Variants in TMCC1 observed in about 807,000 individuals in gnomAD.
TMCC1 encodes the protein transmembrane and coiled-coil domain family 1.
In TMCC1, 15 loss-of-function variants were observed where a neutral mutation model predicts 52.4. The observed-to-expected ratio is 0.29, with a 90% CI of 0.19 to 0.44. The LOEUF (loss-of-function observed/expected upper bound fraction) is 0.44. Among genes scored for constraint, TMCC1 ranks in the 20% least tolerant of loss-of-function variants. The probability of loss-of-function intolerance (pLI) is 1.00; values close to 1 mark genes in which losing one functional copy is unlikely to be tolerated. For missense variants in TMCC1, 503 were observed against 806.0 expected, an observed-to-expected ratio of 0.62 and a Z score of 4.55; for synonymous variants, 279 against 301.9, an observed-to-expected ratio of 0.92 and a Z score of 0.79.
Position 129,651,325 on chromosome 3 carries a change from T to C in TMCC1, c.*156A>G. ...TAAAATCTAAAAAATACTATTGCAA[T>C]TGCGTCTCTTGAAGAAAAAAACATT... is the stretch of plus-strand genomic sequence containing the variant. On this transcript the variant is annotated 3_prime_UTR_variant, in exon 7 of 7. Coordinates refer to ENST00000393238, the MANE Select transcript of TMCC1 (RefSeq NM_001017395.5). This position sits in a 1 kb window ranked among gnomAD's most constrained non-coding sequence, Gnocchi z 5.1. 2 of 853,898 alleles carry C rather than the reference T, an allele frequency of 2.3e-6. No homozygotes were observed. The highest frequency in any genetic ancestry group is 4.3e-5 in the South Asian group (2 of 46,238). 52.9% of individuals were successfully genotyped at this position (853,898 alleles called of 1,614,324 possible).
chr3:129,655,465 T>A (rs1560120241), intron 5 of TMCC1, among the ~76,000 whole-genome samples: 1 of 152,090 alleles, frequency 6.6e-6, no homozygotes, highest in African/African-American at 2.4e-5. Context: ...GCAAGCCTCA[T>A]GAAAAGATAA....
rs189436772 is a variant in TMCC1, at chr3:129,653,535, C to T, written c.1647+1433G>A. Among the ~76,000 whole-genome samples, 187 of 152,348 alleles carry T rather than the reference C, an allele frequency of 1.2e-3. 1 individual carries two copies. The highest frequency in any genetic ancestry group is 9.4e-4 in the Non-Finnish European group (64 of 68,040). ...CTCAGCTCACTGCCAGCTCCACCTC[C>T]CAGGTTCAGGCCATTCTTCTGCCTC... On this transcript the variant is annotated intron_variant, in intron 6 of 6. Transcript: ENST00000393238.
At chr3:129,805,431 G>A (rs1292615184) in intron 4 of TMCC1, among the ~76,000 whole-genome samples, 2 of 152,098 alleles carry the variant, frequency 1.3e-5, no homozygotes, top group African/African-American at 2.4e-5. Context: ...CTAAAGTGCC[G>A]GGATTACAGG....
At chr3:129,804,457 T>G (rs2057355529) in intron 4 of TMCC1, among the ~76,000 whole-genome samples, 1 of 152,210 alleles carries the variant, frequency 6.6e-6, no homozygotes, top group Non-Finnish European at 1.5e-5. Context: ...CCTGACCCCT[T>G]TGGCTATTGT....
intron 4 of TMCC1, among the ~76,000 whole-genome samples, chr3:129,812,299 T>G (rs1299185511): frequency 3.4e-5 from 4 of 118,506 alleles, no homozygotes; most frequent in African/African-American, 1.3e-4. Context: ...ATCACGCCAC[T>G]GCACTCCAGC....
intron 4 of TMCC1, among the ~76,000 whole-genome samples, chr3:129,761,036 C>T (rs2053533836): frequency 6.6e-6 from 1 of 152,024 alleles, no homozygotes; most frequent in Non-Finnish European, 1.5e-5. Context: ...CTAAAAATCC[C>T]CTGTGCTGGC....
Position 129,811,771 on chromosome 3 carries a change from C to T in TMCC1, c.576+16032G>A, listed in dbSNP as rs2057821130. Among the ~76,000 whole-genome samples the T allele has an allele frequency of 1.3e-5, 2 of 151,384 alleles. 1 individual carries two copies. The highest frequency in any genetic ancestry group is 4.2e-4 in the South Asian group (2 of 4,798). ...CCAGCCTGGCCAACATGGCGAAACC[C>T]TGTCTCTACTAAAAATACAAAACTT... On this transcript the variant is annotated intron_variant, in intron 4 of 6. Coordinates refer to ENST00000393238, the MANE Select transcript of TMCC1 (RefSeq NM_001017395.5).
chr3:129,792,777 G>C (rs1300350001), intron 4 of TMCC1, among the ~76,000 whole-genome samples: 1 of 152,026 alleles, frequency 6.6e-6, no homozygotes, highest in Non-Finnish European at 1.5e-5. Context: ...TGAGCAATAA[G>C]GGTACCAGGA....
intron 2 of TMCC1, among the ~76,000 whole-genome samples, chr3:129,835,480 T>A (rs2059118432): frequency 6.6e-6 from 1 of 152,086 alleles, no homozygotes. Flanking sequence ...GAGAGATATA[T>A]CAAACAACAT....
chr3:129,721,750 CCTGT>C (rs1161434591), intron 4 of TMCC1, among the ~76,000 whole-genome samples: 2 of 151,372 alleles, frequency 1.3e-5, no homozygotes, highest in South Asian at 2.1e-4. Flanking sequence ...GTGGCAGGCA[CCTGT>C]AGTCCCAGCT....
intron 5 of TMCC1, among the ~76,000 whole-genome samples, chr3:129,658,334 T>C (rs923888155): frequency 6.6e-6 from 1 of 152,216 alleles, no homozygotes; most frequent in African/African-American, 2.4e-5. Context: ...AAGGCTGTTG[T>C]TATCCTTTCC....
intron 4 of TMCC1, among the ~76,000 whole-genome samples, chr3:129,793,366 T>A (rs546315441): frequency 3.5e-4 from 53 of 152,284 alleles, no homozygotes; most frequent in African/African-American, 1.2e-3. Flanking sequence ...GTGAGGGAAC[T>A]AAAGGTTTTC....
chr3:129,754,650 G>A (rs2052830544), intron 4 of TMCC1, among the ~76,000 whole-genome samples: 1 of 152,160 alleles, frequency 6.6e-6, no homozygotes, highest in African/African-American at 2.4e-5. Context: ...TGGAAAATTT[G>A]TATGTCAATA....
At chr3:129,737,305 C>A (rs947355289) in intron 4 of TMCC1, among the ~76,000 whole-genome samples, 2 of 152,032 alleles carry the variant, frequency 1.3e-5, no homozygotes, top group African/African-American at 2.4e-5. Flanking sequence ...ATGGCAAAAC[C>A]CCATCTCTAC....
At chr3:129,716,713 G>T (rs568166285) in intron 4 of TMCC1, among the ~76,000 whole-genome samples, 2 of 151,940 alleles carry the variant, frequency 1.3e-5, no homozygotes, top group African/African-American at 4.8e-5. Flanking sequence ...CAACTGCCCG[G>T]CAGATAAAGC....
intron 4 of TMCC1, among the ~76,000 whole-genome samples, chr3:129,807,568 C>G (rs549594770): frequency 4.6e-5 from 7 of 152,056 alleles, no homozygotes; most frequent in Admixed American, 4.6e-4. Flanking sequence ...TGTACAACTT[C>G]AGGACAACAG....
intron 4 of TMCC1, among the ~76,000 whole-genome samples, chr3:129,726,987 C>G (rs2050159478): frequency 6.7e-6 from 1 of 149,422 alleles, no homozygotes; most frequent in Non-Finnish European, 1.5e-5. Flanking sequence ...GTGGCCCTAT[C>G]AGATCTAGAA....
intron 4 of TMCC1, among the ~76,000 whole-genome samples, chr3:129,798,962 T>G (rs2057020814): frequency 6.6e-6 from 1 of 152,338 alleles, no homozygotes; most frequent in Admixed American, 6.5e-5. Flanking sequence ...ACAGATAGCA[T>G]ATTTTATTAT....
chr3:129,699,253 G>A (rs1352762300), intron 4 of TMCC1, among the ~76,000 whole-genome samples: 1 of 152,122 alleles, frequency 6.6e-6, no homozygotes, highest in African/African-American at 2.4e-5. Context: ...ACAAGATACA[G>A]GTCATCAAGA....
Sources: allele counts gnomAD v4.1 joint callset (sites outside exome capture counted in the v4.1 genomes callset), GRCh38; gene constraint gnomAD v4.1.1; non-coding constraint Gnocchi (gnomAD v3.1); transcripts MANE v1.5; gene names NCBI Gene and HGNC (gene_info 2026-07-23, HGNC 2026-07-21).